The following ZNF385D variants were observed in gnomAD, a reference collection of about 807,000 sequenced individuals.
The protein encoded by ZNF385D is zinc finger protein 385D.
ZNF385D carries 15 observed loss-of-function variants against 35.8 expected under a neutral mutation model. The ratio of observed to expected loss-of-function variants is 0.42; its 90% confidence interval spans 0.28 to 0.64. ZNF385D has a LOEUF of 0.64. Ranked by LOEUF, ZNF385D falls within the 30% of genes least tolerant of loss-of-function variation. ZNF385D has a pLI of 0.23. For missense variants in ZNF385D, 474 were observed against 494.6 expected, an observed-to-expected ratio of 0.96 and a Z score of 0.39; for synonymous variants, 212 against 186.8, an observed-to-expected ratio of 1.13 and a Z score of -1.10.
chr3:21,952,604 A>C (rs1702114396), intron 3 of ZNF385D, among the ~76,000 whole-genome samples: 1 of 151,872 alleles, frequency 6.6e-6, no homozygotes, highest in Non-Finnish European at 1.5e-5. Context: ...TAATAATAAA[A>C]CCTAACTCAG....
intron 4 of ZNF385D, among the ~76,000 whole-genome samples, chr3:21,443,769 C>A (rs1207148388): frequency 6.6e-6 from 1 of 152,140 alleles, no homozygotes; most frequent in Non-Finnish European, 1.5e-5. Flanking sequence ...TATACTATTT[C>A]TTTCTACCTT....
chr3:22,341,995 G>C (rs1695440674), intron 2 of ZNF385D, among the ~76,000 whole-genome samples: 1 of 152,084 alleles, frequency 6.6e-6, no homozygotes, highest in Non-Finnish European at 1.5e-5. Flanking sequence ...ACTGAATGAG[G>C]CCGGGCGCGG....
intron 1 of ZNF385D, among the ~76,000 whole-genome samples, chr3:21,666,367 C>A (rs562614841): frequency 6.6e-6 from 1 of 152,296 alleles, no homozygotes; most frequent in East Asian, 1.9e-4. Flanking sequence ...CTCCTGCTCC[C>A]AGGTATAAAA....
At chr3:22,023,524 A>T (rs901274991) in intron 3 of ZNF385D, among the ~76,000 whole-genome samples, 8 of 152,178 alleles carry the variant, frequency 5.3e-5, no homozygotes, top group African/African-American at 1.9e-4. Flanking sequence ...AATAAAATGG[A>T]GTCATTGTTA....
At chr3:22,106,877 T>G (rs553456477) in intron 3 of ZNF385D, among the ~76,000 whole-genome samples, 1 of 152,278 alleles carries the variant, frequency 6.6e-6, no homozygotes, top group East Asian at 1.9e-4. Context: ...GCACTCATTC[T>G]TCATAAGAGT....
intron 2 of ZNF385D, among the ~76,000 whole-genome samples, chr3:22,191,125 C>A (rs898835069): frequency 2.7e-5 from 4 of 150,036 alleles, no homozygotes; most frequent in Middle Eastern, 3.2e-3. Context: ...ATTGCTTTTT[C>A]TATTGTTAAT....
intron 3 of ZNF385D, among the ~76,000 whole-genome samples, chr3:21,759,517 T>C (rs1203182083): frequency 6.6e-6 from 1 of 152,176 alleles, no homozygotes; most frequent in Admixed American, 6.5e-5. Context: ...ATAAATGTAC[T>C]TCCAAGTATT....
At chr3:21,744,884 T>C (rs527637822) in intron 1 of ZNF385D, among the ~76,000 whole-genome samples, 8 of 152,152 alleles carry the variant, frequency 5.3e-5, no homozygotes, top group African/African-American at 1.2e-4. Flanking sequence ...AAAAAGCTAG[T>C]GTTTCAGCAG....
chr3:22,241,247 G>A (rs966755074), intron 2 of ZNF385D, among the ~76,000 whole-genome samples: 1 of 151,178 alleles, frequency 6.6e-6, no homozygotes, highest in Non-Finnish European at 1.5e-5. Context: ...CTGAAAGAAA[G>A]CTGAGTATGG....
At chr3:22,117,000 G>A (rs1378058338) in intron 3 of ZNF385D, among the ~76,000 whole-genome samples, 1 of 151,968 alleles carries the variant, frequency 6.6e-6, no homozygotes, top group Admixed American at 6.6e-5. Context: ...TAGGAAAATA[G>A]CTTAGGAAAG....
chr3:21,924,389 T>C (rs912583740), intron 3 of ZNF385D, among the ~76,000 whole-genome samples: 2 of 151,846 alleles, frequency 1.3e-5, no homozygotes, highest in African/African-American at 2.4e-5. Flanking sequence ...CATCAAAGAG[T>C]GCAGATGAAA....
intron 2 of ZNF385D, among the ~76,000 whole-genome samples, chr3:22,222,996 A>C (rs1489469165): frequency 6.6e-6 from 1 of 152,048 alleles, no homozygotes; most frequent in African/African-American, 2.4e-5. Flanking sequence ...TCATCCAACC[A>C]TCCTTTTTCC....
chr3:22,127,478 T>C (rs995203924), intron 3 of ZNF385D, among the ~76,000 whole-genome samples: 1 of 151,612 alleles, frequency 6.6e-6, no homozygotes, highest in African/African-American at 2.4e-5. Flanking sequence ...TAGCTGGGAT[T>C]ACAAGCACCT....
intron 1 of ZNF385D, among the ~76,000 whole-genome samples, chr3:21,744,685 C>T (rs914197926): frequency 2.6e-5 from 4 of 152,054 alleles, no homozygotes; most frequent in Non-Finnish European, 2.9e-5. Context: ...ATTTTTCAGA[C>T]ATTTTTGTAC....
intron 3 of ZNF385D, among the ~76,000 whole-genome samples, chr3:22,154,588 G>A (rs13319229): frequency 6.6e-6 from 1 of 152,228 alleles, no homozygotes; most frequent in Non-Finnish European, 1.5e-5. Flanking sequence ...TCCTAAATGA[G>A]GTATGAGCCA....
At chr3:22,206,519 T>A (rs1366973664) in intron 2 of ZNF385D, among the ~76,000 whole-genome samples, 5 of 151,958 alleles carry the variant, frequency 3.3e-5, no homozygotes, top group African/African-American at 1.2e-4. Flanking sequence ...ATAGACCATA[T>A]GTTAGGCCAT....
At chr3:21,628,163 CAT>C (rs2065186167) in intron 2 of ZNF385D, among the ~76,000 whole-genome samples, 1 of 152,024 alleles carries the variant, frequency 6.6e-6, no homozygotes, top group Admixed American at 6.6e-5. Context: ...GGTGGTGACA[CAT>C]ATAGGAAACC....
intron 3 of ZNF385D, among the ~76,000 whole-genome samples, chr3:22,009,337 G>C (rs1396228060): frequency 6.6e-6 from 1 of 151,892 alleles, no homozygotes; most frequent in African/African-American, 2.4e-5. Flanking sequence ...TTAAAAAATA[G>C]ATTTGGCTAG....
chr3:21,967,583 T>A lies in ZNF385D; in HGVS notation c.325+201234A>T, dbSNP rs192718964. On this transcript the variant is annotated intron_variant, in intron 3 of 5. Transcript: ENST00000494108. ...AGAGGGGAGCTAAATTTTCTGCCCA[T>A]TGGCTTCTTCCTCAGGTCATTTACT... Among the ~76,000 whole-genome samples the A allele has an allele frequency of 9.8e-5, 15 of 152,334 alleles. No individual in the cohort carries two copies. The East Asian group carries it at 2.3e-3, about 24-fold the overall frequency.
Sources: allele counts gnomAD v4.1 joint callset (sites outside exome capture counted in the v4.1 genomes callset), GRCh38; gene constraint gnomAD v4.1.1; transcripts MANE v1.5; gene names NCBI Gene and HGNC (gene_info 2026-07-23, HGNC 2026-07-21).